SKI: variants seen among roughly 807,000 people sequenced by gnomAD.
The protein encoded by SKI is SKI proto-oncogene.
In SKI, 23 loss-of-function variants were observed where a neutral mutation model predicts 59.3. That is an observed-to-expected ratio of 0.39 (90% CI 0.28 to 0.55). The LOEUF is 0.55. SKI is among the 20% of genes least tolerant of loss of function. The pLI is 0.67. For synonymous variants in SKI, 673 were observed against 488.6 expected, an observed-to-expected ratio of 1.38 and a Z score of -4.98; for missense variants, 1,017 against 1,038.9, an observed-to-expected ratio of 0.98 and a Z score of 0.29.
chr1:2,241,011 T>C (rs1034205393), intron 1 of SKI, among the ~76,000 whole-genome samples: 1 of 152,174 alleles, frequency 6.6e-6, no homozygotes, highest in African/African-American at 2.4e-5. Context: ...TTGTAGGAGC[T>C]CTGTGGCCGC....
Position 2,270,374 on chromosome 1 carries a change from G to C in SKI, c.970-32604G>C, listed in dbSNP as rs964994148. ...GCAGCCGTTGGACAGTGCCCATCTT[G>C]AATGCAGCCCTGGTGACCTGAAGCC... On this transcript the variant is annotated intron_variant, in intron 1 of 6. Transcript: ENST00000378536. The surrounding 1 kb of genome is among the most constrained non-coding windows in gnomAD (Gnocchi z 4.1). 6.6e-6 allele frequency among the ~76,000 whole-genome samples: 1 copy of C among 152,212 alleles called. No individual in the cohort carries two copies. The highest frequency in any genetic ancestry group is 1.5e-5 in the Non-Finnish European group (1 of 68,024).
chr1:2,236,290 G>GC (rs980111195), intron 1 of SKI, among the ~76,000 whole-genome samples: 9 of 152,316 alleles, frequency 5.9e-5, no homozygotes, highest in African/African-American at 1.7e-4. Context: ...CAGTTTGGGG[G>GC]CCAGATTCAA....
chr1:2,247,511 C>T (rs141043739), intron 1 of SKI, among the ~76,000 whole-genome samples: 237 of 152,362 alleles, frequency 1.6e-3, no homozygotes, highest in Admixed American at 0.012. Context: ...AAGCCTGTCA[C>T]GTTCCTCCCT....
At position 2,246,767 on chromosome 1, in the gene SKI, C is replaced by T. The variant is rs74444023; in HGVS notation, c.969+17032C>T. On this transcript the variant is annotated intron_variant, in intron 1 of 6. Transcript: ENST00000378536. The stretch of plus-strand genomic sequence containing the variant: ...TTGGGGGAGGGAGTCTCAGAGAGTG[C>T]GGCAGTCGGGCCTGATGGGGCTGCT... Among the ~76,000 whole-genome samples, 31 of 152,134 alleles carry T rather than the reference C, an allele frequency of 2.0e-4. No individual in the cohort carries two copies. In the South Asian group the frequency reaches 4.8e-3, roughly 23 times the overall value.
intron 1 of SKI, among the ~76,000 whole-genome samples, chr1:2,258,551 G>GT (rs1396415837): frequency 3.4e-4 from 44 of 129,732 alleles, no homozygotes; most frequent in African/African-American, 7.8e-4. Flanking sequence ...GGGAACTCAT[G>GT]TTTTTTTTTG....
chr1:2,284,714 G>T (rs1440302488), intron 1 of SKI, among the ~76,000 whole-genome samples: 2 of 152,214 alleles, frequency 1.3e-5, no homozygotes, highest in Non-Finnish European at 2.9e-5. Context: ...TGGCCCCTGG[G>T]TGGCTGGGAG....
At chr1:2,248,620 C>T (rs1046716508) in intron 1 of SKI, among the ~76,000 whole-genome samples, 5 of 152,314 alleles carry the variant, frequency 3.3e-5, no homozygotes, top group Middle Eastern at 3.4e-3. Flanking sequence ...TCAGAAAAGC[C>T]GTGGGGCAGC....
At chr1:2,257,787 G>A (rs1639304864) in intron 1 of SKI, among the ~76,000 whole-genome samples, 1 of 152,100 alleles carries the variant, frequency 6.6e-6, no homozygotes, top group Admixed American at 6.6e-5. Context: ...TGCCCAGGCT[G>A]GAGTGCAATG....
Position 2,228,962 on chromosome 1 carries a change from G to C in SKI, c.196G>C (p.Ala66Pro), listed in dbSNP as rs1212316098. 7.0e-7 allele frequency: 1 copy of C among 1,424,706 alleles called. No individual in the cohort carries two copies. Among genetic ancestry groups the C allele is most frequent in the Non-Finnish European group, 9.2e-7 (1 of 1,092,464 alleles). 88.3% of individuals were successfully genotyped at this position (1,424,706 alleles called of 1,614,324 possible). A position where few individuals can be genotyped will look rare whatever the true frequency, so the allele number is the denominator to read the frequency against. The stretch of plus-strand genomic sequence containing the variant: ...GGCCGCGGTGCCGGCGCCGGTGCCC[G>C]CAGCCACCGAGCCGCCGCCCGTGCT... ...GAAAVPAPVPAATEPPPVLHL... is the reference protein window; with the variant it reads ...GAAAVPAPVPPATEPPPVLHL... The change falls in exon 1 of 7, where the codon GCA (alanine) becomes CCA (proline). Residue 66 changes from alanine (A) to proline (P), a missense_variant. By Grantham distance (27) the Ala-to-Pro change is conservative (BLOSUM62 -1). Transcript: ENST00000378536.
rs1638557585 is a variant in SKI at position 2,228,706 on chromosome 1, C to CGGGGGCCGG, written c.-53_-45dup. 6 of 960,282 alleles carry CGGGGGCCGG rather than the reference C, an allele frequency of 6.2e-6. No homozygotes were observed. In the South Asian group the frequency reaches 2.8e-4, roughly 45 times the overall value. The allele number at this position is 960,282 out of a possible 1,614,324, so 59.5% of individuals were successfully genotyped here. A position where few individuals can be genotyped will look rare whatever the true frequency, so the allele number is the denominator to read the frequency against. Reference sequence around the variant, plus strand: ...GCCGCCGGGGCGCGCGGGGCGGCGGCGGGGGCCGGGGGGGCCCGGGCGCGC... The same window carrying CGGGGGCCGG: ...GCCGCCGGGGCGCGCGGGGCGGCGGCGGGGGCCGGGGGGGCCGGGGGGGCCCGGGCGCGC... On this transcript the variant is annotated 5_prime_UTR_variant, in exon 1 of 7. Transcript: ENST00000378536.
intron 5 of SKI, 133 bp downstream of exon 5, chr1:2,304,718 T>G (rs1231341944): frequency 7.2e-7 from 1 of 1,393,024 alleles, no homozygotes; most frequent in Non-Finnish European, 9.4e-7. Flanking sequence ...TCCACCTCAG[T>G]GGGCCTGCCT....
chr1:2,305,501 G>T (rs1640547601), intron 5 of SKI, among the ~76,000 whole-genome samples: 1 of 152,222 alleles, frequency 6.6e-6, no homozygotes, highest in African/African-American at 2.4e-5. Flanking sequence ...CTGGTTGGAG[G>T]TGTGATTTCC....
At chr1:2,236,735 CCGTCTT>C (rs1638757013) in intron 1 of SKI, among the ~76,000 whole-genome samples, 1 of 152,138 alleles carries the variant, frequency 6.6e-6, no homozygotes, top group Non-Finnish European at 1.5e-5. Flanking sequence ...AATTGGTTCA[CCGTCTT>C]CTGACCTGGG....
In SKI at chr1:2,304,544, A is replaced by C. The variant is rs765079242; in HGVS notation, c.1726A>C (p.Lys576Gln). 4 of 1,575,624 alleles carry C rather than the reference A, an allele frequency of 2.5e-6. No individual in the cohort carries two copies. Among genetic ancestry groups the C allele is most frequent in the South Asian group, 1.2e-5 (1 of 85,920 alleles). Reference sequence around the variant, plus strand: ...CAAGATGCGCGTGAAGCAGGAGGAGAAGCTCAGCGCAGCCCTGCAGGCCAA... The same window carrying C: ...CAAGATGCGCGTGAAGCAGGAGGAGCAGCTCAGCGCAGCCCTGCAGGCCAA... Reference protein sequence around the residue: ...VVKMRVKQEEKLSAALQAKRS... With the variant: ...VVKMRVKQEEQLSAALQAKRS... Residue 576 changes from lysine (K) to glutamine (Q), a missense_variant, in exon 5 of 7, where the codon AAG becomes CAG. Coordinates refer to ENST00000378536, the MANE Select transcript of SKI (RefSeq NM_003036.4).
intron 6 of SKI, 143 bp downstream of exon 6, chr1:2,306,393 G>A: frequency 9.9e-7 from 1 of 1,006,962 alleles, no homozygotes; most frequent in Non-Finnish European, 1.4e-6. Flanking sequence ...CCCCCGACGG[G>A]CACAGGGTGG....
In SKI at chr1:2,271,889, A is replaced by G. The variant is rs903907; in HGVS notation, c.970-31089A>G. Among the ~76,000 whole-genome samples the G allele has an allele frequency of 5.4e-3, 823 of 152,290 alleles. 6 individuals carry two copies. The highest frequency in any genetic ancestry group is 0.019 in the African/African-American group (772 of 41,564). On this transcript the variant is annotated intron_variant, in intron 1 of 6. Transcript: ENST00000378536. Reference sequence around the variant, plus strand: ...GAGGATTGGCTGGTGATGCTTCCAGAAAGTGGTTTTTGAAGATGCATCTGG... The same window carrying G: ...GAGGATTGGCTGGTGATGCTTCCAGGAAGTGGTTTTTGAAGATGCATCTGG...
chr1:2,282,839 G>T (rs1639938288), intron 1 of SKI, among the ~76,000 whole-genome samples: 1 of 152,208 alleles, frequency 6.6e-6, no homozygotes, highest in South Asian at 2.1e-4. Flanking sequence ...GCAAGGGTGG[G>T]TCTGGTTCTC....
At chr1:2,295,829 AATCT>A (rs2100903354) in intron 1 of SKI, among the ~76,000 whole-genome samples, 1 of 152,300 alleles carries the variant, frequency 6.6e-6, no homozygotes, top group South Asian at 2.1e-4. Context: ...CACAGACCAC[AATCT>A]ATCCCGTCAT....
intron 1 of SKI, among the ~76,000 whole-genome samples, chr1:2,234,191 G>A (rs1332200695): frequency 9.2e-5 from 14 of 152,150 alleles, no homozygotes; most frequent in Non-Finnish European, 4.4e-5. Flanking sequence ...ACAGCAGCTC[G>A]AGAGTGGTTC....
Sources: gnomAD v4.1 joint callset for allele counts (sites outside exome capture counted in the v4.1 genomes callset) on GRCh38, gnomAD v4.1.1 for gene constraint, Gnocchi (gnomAD v3.1) non-coding constraint, MANE v1.5 for transcripts, NCBI Gene and HGNC (gene_info 2026-07-23, HGNC 2026-07-21) for gene names.